The following PLA2G4A variants were observed in gnomAD, a reference collection of about 807,000 sequenced individuals.
The protein encoded by PLA2G4A is cytosolic phospholipase A2.
In PLA2G4A, 40 loss-of-function variants were observed where a neutral mutation model predicts 81.9. The observed-to-expected ratio is 0.49, with a 90% CI of 0.38 to 0.64. The LOEUF is 0.64. Among genes scored for constraint, PLA2G4A ranks in the 30% least tolerant of loss-of-function variants. The probability of loss-of-function intolerance (pLI) is 0.00; values close to 1 mark genes in which losing one functional copy is unlikely to be tolerated. For missense variants in PLA2G4A, 715 were observed against 905.1 expected, an observed-to-expected ratio of 0.79 and a Z score of 2.69; for synonymous variants, 302 against 296.9, an observed-to-expected ratio of 1.02 and a Z score of -0.18.
intron 3 of PLA2G4A, among the ~76,000 whole-genome samples, chr1:186,877,913 CTT>C (rs949837665): frequency 1.0e-4 from 15 of 150,316 alleles, no homozygotes; most frequent in Non-Finnish European, 1.3e-4. Context: ...ATAAATGACT[CTT>C]ATTTCTATCC....
At position 186,907,012 on chromosome 1, in the gene PLA2G4A, T is replaced by C. The variant is rs370545499; in HGVS notation, c.416+10T>C. ...TGTCTCTTGAAGTTTGGTAAGTGCATTTATTTAGTTGGATGAGAAATATTG... is the reference window on the plus strand; with the variant it reads ...TGTCTCTTGAAGTTTGGTAAGTGCACTTATTTAGTTGGATGAGAAATATTG... On this transcript the variant is annotated intron_variant, in intron 6 of 17. Transcript: ENST00000367466. 45 of 1,415,042 alleles carry C rather than the reference T, an allele frequency of 3.2e-5. No individual in the cohort carries two copies. The highest frequency in any genetic ancestry group is 3.5e-5 in the Non-Finnish European group (35 of 1,000,156). 87.7% of individuals were successfully genotyped at this position (1,415,042 alleles called of 1,614,324 possible).
chr1:186,875,846 G>C (rs963968761), intron 3 of PLA2G4A, among the ~76,000 whole-genome samples: 3 of 152,082 alleles, frequency 2.0e-5, no homozygotes, highest in Non-Finnish European at 2.9e-5. Flanking sequence ...TGTTTCCACT[G>C]TATGAAGTTT....
Position 186,932,897 on chromosome 1 carries a change from C to T in PLA2G4A, c.693C>T (p.Thr231=). The change falls in exon 8 of 18, where the codon ACC becomes ACT. Residue 231 remains threonine, a splice_region_variant and synonymous_variant. Transcript: ENST00000367466. The part of the protein sequence containing the change: ...ATYVAGLSGS[T]WYMSTLYSHP... Reference sequence around the variant, plus strand: ...ACGTTGCTGGTCTTTCTGGCTCCACCTGGTTAGTATACATTTTTAATTTTA... The same window carrying T: ...ACGTTGCTGGTCTTTCTGGCTCCACTTGGTTAGTATACATTTTTAATTTTA... The T allele has an allele frequency of 6.2e-7, 1 of 1,606,946 alleles. No homozygotes were observed. The highest frequency in any genetic ancestry group is 8.5e-7 in the Non-Finnish European group (1 of 1,173,604).
At chr1:186,937,374 C>T (rs770573023) in intron 8 of PLA2G4A, among the ~76,000 whole-genome samples, 3 of 151,866 alleles carry the variant, frequency 2.0e-5, no homozygotes, top group Non-Finnish European at 4.4e-5. Flanking sequence ...TTGGATGAAT[C>T]ACATGGTAGA....
intron 3 of PLA2G4A, among the ~76,000 whole-genome samples, chr1:186,875,231 A>G (rs910362973): frequency 6.6e-6 from 1 of 152,086 alleles, no homozygotes; most frequent in Admixed American, 6.6e-5. Context: ...AAAATCCATG[A>G]TGGAACAAAG....
chr1:186,962,470 C>A (rs1183952473), intron 14 of PLA2G4A, among the ~76,000 whole-genome samples: 1 of 143,662 alleles, frequency 7.0e-6, no homozygotes, highest in Non-Finnish European at 1.5e-5. Flanking sequence ...AAACTCTATA[C>A]TTTGTAGTTA....
chr1:186,962,491 TTTATTTATTTA>T (rs200152659), intron 14 of PLA2G4A, among the ~76,000 whole-genome samples: 16,222 of 63,400 alleles, frequency 0.26, 2,353 homozygotes, highest in African/African-American at 0.45. Flanking sequence ...TTTTATTTTA[TTTATTTATTTA>T]TTTATTTATT....
intron 17 of PLA2G4A, among the ~76,000 whole-genome samples, chr1:186,980,102 C>T (rs923659317): frequency 5.3e-5 from 8 of 151,954 alleles, no homozygotes; most frequent in Middle Eastern, 3.2e-3. Context: ...CGCCTGCCAC[C>T]ACGCCCGGCT....
intron 3 of PLA2G4A, among the ~76,000 whole-genome samples, chr1:186,890,966 A>G (rs572476078): frequency 1.1e-4 from 17 of 152,298 alleles, no homozygotes; most frequent in Non-Finnish European, 2.2e-4. Flanking sequence ...GCCACCCCTT[A>G]AAGTTGTTCA....
At chr1:186,830,152 T>C (rs1275924984) in intron 1 of PLA2G4A, among the ~76,000 whole-genome samples, 1 of 152,218 alleles carries the variant, frequency 6.6e-6, no homozygotes, top group South Asian at 2.1e-4. Flanking sequence ...TTTACTTCTT[T>C]CATTAGCTCC....
At chr1:186,877,900 A>G (rs1246490027) in intron 3 of PLA2G4A, among the ~76,000 whole-genome samples, 1 of 150,578 alleles carries the variant, frequency 6.6e-6, no homozygotes, top group Admixed American at 6.6e-5. Context: ...CTTTTTAAAG[A>G]TTATAAATGA....
At chr1:186,843,182 A>G (rs2102010253) in intron 1 of PLA2G4A, among the ~76,000 whole-genome samples, 1 of 152,302 alleles carries the variant, frequency 6.6e-6, no homozygotes, top group Non-Finnish European at 1.5e-5. Context: ...AATAATCCCT[A>G]TCTTGTTATA....
intron 3 of PLA2G4A, among the ~76,000 whole-genome samples, chr1:186,892,174 T>G (rs1467535210): frequency 1.3e-5 from 2 of 152,210 alleles, no homozygotes; most frequent in East Asian, 3.8e-4. Flanking sequence ...GAGCTCCTTA[T>G]ATATTCTGGT....
chr1:186,982,091 AG>A (rs1657740624), intron 17 of PLA2G4A, among the ~76,000 whole-genome samples: 1 of 152,222 alleles, frequency 6.6e-6, no homozygotes, highest in Non-Finnish European at 1.5e-5. Flanking sequence ...AAGTAAACAA[AG>A]CTTCTAGAAT....
chr1:186,843,750 G>T (rs1027325077), intron 1 of PLA2G4A, among the ~76,000 whole-genome samples: 1 of 152,150 alleles, frequency 6.6e-6, no homozygotes, highest in African/African-American at 2.4e-5. Context: ...TATCTCCAAC[G>T]TCATGGCCTT....
chr1:186,899,066 A>T (rs1183376966), intron 5 of PLA2G4A, among the ~76,000 whole-genome samples: 2 of 152,230 alleles, frequency 1.3e-5, no homozygotes, highest in East Asian at 3.8e-4. Flanking sequence ...CAAGGTAAAT[A>T]TGTAAAAGAT....
intron 1 of PLA2G4A, among the ~76,000 whole-genome samples, chr1:186,847,293 G>T (rs910308629): frequency 6.6e-5 from 10 of 151,616 alleles, no homozygotes; most frequent in African/African-American, 2.4e-4. Context: ...TTATGATCTG[G>T]TGTCATTTCC....
intron 5 of PLA2G4A, among the ~76,000 whole-genome samples, chr1:186,899,678 G>T (rs1019840674): frequency 3.9e-5 from 6 of 152,170 alleles, no homozygotes; most frequent in Non-Finnish European, 7.4e-5. Context: ...GTTATGGAAG[G>T]TTCGTGACCA....
chr1:186,854,094 A>T (rs1488183949), intron 1 of PLA2G4A, among the ~76,000 whole-genome samples, 192 bp from the exon 2 acceptor site: 2 of 151,968 alleles, frequency 1.3e-5, no homozygotes, highest in East Asian at 3.9e-4. Context: ...TATGGAAAAT[A>T]AACAGTATCA....
Sources: gnomAD v4.1 joint callset for allele counts (sites outside exome capture counted in the v4.1 genomes callset) on GRCh38, gnomAD v4.1.1 for gene constraint, MANE v1.5 for transcripts, NCBI Gene and HGNC (gene_info 2026-07-23, HGNC 2026-07-21) for gene names.